LHPP: variants seen among roughly 807,000 people sequenced by gnomAD.
The protein encoded by LHPP is phospholysine phosphohistidine inorganic pyrophosphate phosphatase, also known as hLHPP.
A neutral mutation model predicts 30.3 loss-of-function variants in LHPP; 24 were observed. The observed-to-expected ratio is 0.79, with a 90% CI of 0.57 to 1.11. The LOEUF (loss-of-function observed/expected upper bound fraction) is 1.11, where lower values mean the gene tolerates loss of function less well. LHPP is among the 50% of genes most tolerant of loss of function. The pLI is 0.00. For missense variants in LHPP, 356 were observed against 367.2 expected (o/e 0.97, Z 0.25); for synonymous variants, 150 against 157.1 (o/e 0.95, Z 0.34).
intron 2 of LHPP, among the ~76,000 whole-genome samples, chr10:124,487,650 G>A (rs1177668898): frequency 6.6e-6 from 1 of 151,940 alleles, no homozygotes; most frequent in African/African-American, 2.4e-5. Flanking sequence ...GACCATGTTG[G>A]CCAGGCTGGT....
intron 5 of LHPP, among the ~76,000 whole-genome samples, chr10:124,515,096 C>T (rs1954414283): frequency 1.3e-5 from 2 of 152,190 alleles, no homozygotes; most frequent in Admixed American, 6.5e-5. Context: ...GCCACTGTGC[C>T]CCAGCTCATC....
chr10:124,537,307 T>C (rs1955052235), intron 6 of LHPP, among the ~76,000 whole-genome samples: 1 of 152,108 alleles, frequency 6.6e-6, no homozygotes, highest in Admixed American at 6.5e-5. Context: ...CCGTGAGCTG[T>C]TGGGGGTGTC....
At chr10:124,571,085 A>C (rs1948578730) in intron 6 of LHPP, among the ~76,000 whole-genome samples, 1 of 152,254 alleles carries the variant, frequency 6.6e-6, no homozygotes, top group South Asian at 2.1e-4. Flanking sequence ...GTCTGCCGCC[A>C]TGTGAGACAT....
intron 5 of LHPP, among the ~76,000 whole-genome samples, chr10:124,509,759 A>C (rs1869658): frequency 0.15 from 22,226 of 150,680 alleles, 2,149 homozygotes; most frequent in South Asian, 0.31. Flanking sequence ...GGATATGTGC[A>C]CCCCAGAGCT....
intron 3 of LHPP, 81 bp downstream of exon 3, chr10:124,488,656 G>A: frequency 2.4e-6 from 3 of 1,238,278 alleles, no homozygotes; most frequent in Non-Finnish European, 3.4e-6. Context: ...ATCAGGCAGA[G>A]AAGGATGCAG....
rs57739169 is a variant in LHPP at position 124,475,030 on chromosome 10, C to CTTT, written c.126-9101_126-9099dup. 4.0e-4 allele frequency among the ~76,000 whole-genome samples: 39 copies of CTTT among 98,660 alleles called. 3 individuals carry two copies. The highest frequency in any genetic ancestry group is 8.6e-3 in the Middle Eastern group (1 of 116). 64.7% of individuals were successfully genotyped at this position (98,660 alleles called of 152,430 possible). On this transcript the variant is annotated intron_variant, in intron 1 of 6. Coordinates refer to ENST00000368842, the MANE Select transcript of LHPP (RefSeq NM_022126.4). ...GAAATGTGCCAGGTGCTTCTCATGTCTTTTTTTTTTGAAATGGAGTCTCGC... is the reference window on the plus strand; with the variant it reads ...GAAATGTGCCAGGTGCTTCTCATGTCTTTTTTTTTTTTTGAAATGGAGTCTCGC...
intron 2 of LHPP, among the ~76,000 whole-genome samples, chr10:124,487,544 G>A (rs752769796): frequency 3.0e-4 from 45 of 151,480 alleles, no homozygotes; most frequent in Non-Finnish European, 4.3e-4. Context: ...TCGGGTTCAA[G>A]TGATTCTACT....
At chr10:124,608,260 G>A (rs370290054) in intron 6 of LHPP, among the ~76,000 whole-genome samples, 1 of 152,020 alleles carries the variant, frequency 6.6e-6, no homozygotes, top group African/African-American at 2.4e-5. Context: ...CAGTGTGTCC[G>A]TCCGTCTGCC....
intron 1 of LHPP, among the ~76,000 whole-genome samples, chr10:124,466,911 T>G (rs1589749160): frequency 6.6e-6 from 1 of 150,580 alleles, no homozygotes; most frequent in Non-Finnish European, 1.5e-5. Flanking sequence ...AGGCTGGAGG[T>G]AGAAGGATTG....
chr10:124,516,568 C>T (rs745743549), intron 5 of LHPP, among the ~76,000 whole-genome samples: 4 of 152,074 alleles, frequency 2.6e-5, no homozygotes, highest in East Asian at 1.9e-4. Context: ...GCTTGATGTC[C>T]GGTGTCCTGA....
rs1224593277 is a variant in LHPP, at chr10:124,516,080, T to C, written c.625-1100T>C. On this transcript the variant is annotated intron_variant, in intron 5 of 6. Transcript: ENST00000368842. ...GCTCTACCTGGGTTTCCCTTGGTAT[T>C]AGTCAGCCCAGTCTGTCATACAAAA... Among the ~76,000 whole-genome samples, 4 of 152,240 alleles carry C rather than the reference T, an allele frequency of 2.6e-5. No homozygotes were observed. The East Asian group carries it at 7.7e-4, about 29-fold the overall frequency.
At chr10:124,558,853 A>T (rs935911421) in intron 6 of LHPP, among the ~76,000 whole-genome samples, 1 of 152,280 alleles carries the variant, frequency 6.6e-6, no homozygotes, top group South Asian at 2.1e-4. Flanking sequence ...TGCGTAGCGA[A>T]ACCAGGCCCT....
intron 6 of LHPP, among the ~76,000 whole-genome samples, chr10:124,519,775 T>A (rs1399710941): frequency 6.6e-6 from 1 of 152,222 alleles, no homozygotes; most frequent in African/African-American, 2.4e-5. Context: ...ATTTCGTTCC[T>A]TTTTATGGCT....
chr10:124,513,073 AGTTTGTTTGTTTGTTT>A (rs113429645), intron 5 of LHPP, among the ~76,000 whole-genome samples: 3 of 151,218 alleles, frequency 2.0e-5, no homozygotes, highest in African/African-American at 7.3e-5. Flanking sequence ...GAAGACATGT[AGTTTGTTTGTTTGTTT>A]GTTTGTTTGT....
intron 6 of LHPP, among the ~76,000 whole-genome samples, chr10:124,538,774 G>A (rs918617644): frequency 3.3e-5 from 5 of 152,214 alleles, no homozygotes; most frequent in Admixed American, 3.3e-4. Context: ...GACCCAAGGT[G>A]GTTTCTGACT....
chr10:124,575,792 G>A (rs922460517), intron 6 of LHPP, among the ~76,000 whole-genome samples: 3 of 152,064 alleles, frequency 2.0e-5, no homozygotes, highest in East Asian at 1.9e-4. Flanking sequence ...CTTGCATCCC[G>A]GTCCCCCACA....
At position 124,496,941 on chromosome 10, in the gene LHPP, T is replaced by G; in HGVS notation, c.468-20T>G. ...GCTCCCCGTGCTCAGCATCCCGTGC[T>G]CCGTTCTGCTCTCTCCTAGGCGTTA... is the stretch of plus-strand genomic sequence containing the variant. On this transcript the variant is annotated intron_variant, in intron 3 of 6. Coordinates refer to ENST00000368842, the MANE Select transcript of LHPP (RefSeq NM_022126.4). This position sits in a 1 kb window ranked among gnomAD's most constrained non-coding sequence, Gnocchi z 4.3. 4.3e-6 allele frequency: 7 copies of G among 1,610,212 alleles called. No individual in the cohort carries two copies. The highest frequency in any genetic ancestry group is 1.7e-5 in the Admixed American group (1 of 59,412).
intron 6 of LHPP, among the ~76,000 whole-genome samples, chr10:124,604,347 G>A (rs2134014925): frequency 6.6e-6 from 1 of 152,322 alleles, no homozygotes; most frequent in Non-Finnish European, 1.5e-5. Context: ...TGGGCCTTCT[G>A]CCCACCTCAC....
chr10:124,485,275 GA>G (rs997037851), intron 2 of LHPP, among the ~76,000 whole-genome samples: 3 of 152,084 alleles, frequency 2.0e-5, no homozygotes, highest in Non-Finnish European at 1.5e-5. Context: ...GAAGATTTAA[GA>G]AAAATATCTT....
Sources: allele counts gnomAD v4.1 joint callset (sites outside exome capture counted in the v4.1 genomes callset), GRCh38; gene constraint gnomAD v4.1.1; non-coding constraint Gnocchi (gnomAD v3.1); transcripts MANE v1.5; gene names NCBI Gene and HGNC (gene_info 2026-07-23, HGNC 2026-07-21).